Variants in XPO6 observed in about 807,000 individuals in gnomAD.
XPO6 encodes the protein exportin 6.
Under a neutral mutation model 130.0 loss-of-function variants are expected in XPO6, and 3 were observed. The ratio of observed to expected loss-of-function variants is 0.02; its 90% CI spans 0.01 to 0.06. XPO6 has a LOEUF of 0.06. Among genes scored for constraint, XPO6 ranks in the 10% least tolerant of loss-of-function variants. The probability of loss-of-function intolerance (pLI) is 1.00; values close to 1 mark genes in which losing one functional copy is unlikely to be tolerated. For synonymous variants in XPO6, 524 were observed against 548.9 expected, an observed-to-expected ratio of 0.95 and a Z score of 0.63; for missense variants, 970 against 1,393.0, an observed-to-expected ratio of 0.70 and a Z score of 4.83.
intron 21 of XPO6, among the ~76,000 whole-genome samples, chr16:28,103,269 T>C (rs1213621758): frequency 6.6e-6 from 1 of 152,154 alleles, no homozygotes. Context: ...CTAGCTTCTT[T>C]CACCTGACAG....
intron 4 of XPO6, among the ~76,000 whole-genome samples, chr16:28,171,657 GCT>G (rs1251341691): frequency 6.6e-6 from 1 of 152,062 alleles, no homozygotes; most frequent in East Asian, 1.9e-4. Context: ...TGTTTAAAAT[GCT>G]CTCTATAAAT....
rs762866348 is a variant in XPO6 at position 28,098,591 on chromosome 16, G to A, written c.3325C>T (p.Arg1109Cys). ...CTGTCGTTGCAGAGTCTGTAGTAGCGCAGGTCGTTGACCAGCCTGTGCACA... is the reference window on the plus strand; with the variant it reads ...CTGTCGTTGCAGAGTCTGTAGTAGCACAGGTCGTTGACCAGCCTGTGCACA... ...QNVHRLVNDL[R>C]YYRLCNDSLP... The change falls in exon 24 of 24, where the codon CGC (arginine) becomes TGC (cysteine). Residue 1109 changes from arginine to cysteine, a missense_variant. Physicochemically the swap from Arg to Cys is radical, Grantham distance 180. Transcript: ENST00000304658. 3.1e-6 allele frequency: 5 copies of A among 1,612,866 alleles called. No homozygotes were observed. The African/African-American group carries it at 5.3e-5, about 17-fold the overall frequency.
At chr16:28,129,351 C>T (rs1335489407) in intron 12 of XPO6, among the ~76,000 whole-genome samples, 2 of 152,206 alleles carry the variant, frequency 1.3e-5, no homozygotes, top group Non-Finnish European at 2.9e-5. Context: ...GCCAGTGTCC[C>T]ACTGTGAAAA....
intron 1 of XPO6, among the ~76,000 whole-genome samples, chr16:28,209,890 G>A (rs1006131154): frequency 6.6e-6 from 1 of 152,098 alleles, no homozygotes; most frequent in Non-Finnish European, 1.5e-5. Context: ...TGTAATCCCA[G>A]CACTTTGGGA....
At chr16:28,188,233 T>C (rs949950662) in intron 1 of XPO6, among the ~76,000 whole-genome samples, 13 of 152,222 alleles carry the variant, frequency 8.5e-5, no homozygotes, top group African/African-American at 3.1e-4. Flanking sequence ...TGGGCCAACA[T>C]GCCCAGCCAA....
intron 1 of XPO6, among the ~76,000 whole-genome samples, chr16:28,201,505 A>T (rs2043952088): frequency 6.6e-6 from 1 of 152,158 alleles, no homozygotes; most frequent in South Asian, 2.1e-4. Context: ...GTGGGGAAGG[A>T]GGCAAGAGAT....
At chr16:28,180,381 A>AT (rs566395135) in intron 2 of XPO6, among the ~76,000 whole-genome samples, 1 of 151,400 alleles carries the variant, frequency 6.6e-6, no homozygotes, top group South Asian at 2.1e-4. Context: ...AAACAAAAAA[A>AT]TTTTTTTTTG....
Position 28,169,711 on chromosome 16 carries a change from G to C in XPO6, c.565+39C>G, listed in dbSNP as rs778826946. On this transcript the variant is annotated intron_variant, in intron 5 of 23. Transcript: ENST00000304658. The stretch of plus-strand genomic sequence containing the variant: ...CAAGGCCTGAACTCTGGGTGCCTGC[G>C]GGCAGGCCTCTATCTCTGGGCACTA... The C allele has an allele frequency of 6.2e-6, 10 of 1,606,784 alleles. No individual in the cohort carries two copies. The South Asian group carries it at 6.6e-5, about 11-fold the overall frequency.
At chr16:28,131,236 T>G (rs959478037) in intron 12 of XPO6, among the ~76,000 whole-genome samples, 1 of 152,190 alleles carries the variant, frequency 6.6e-6, no homozygotes, top group African/African-American at 2.4e-5. Context: ...TGGGGCCCAC[T>G]AGATTATTTA....
intron 8 of XPO6, among the ~76,000 whole-genome samples, chr16:28,149,060 A>AT (rs1220129052): frequency 6.8e-6 from 1 of 146,300 alleles, no homozygotes; most frequent in African/African-American, 2.6e-5. Context: ...AAAGAAAATA[A>AT]AAAAAAAAAA....
At chr16:28,149,858 A>G (rs1169963863) in intron 8 of XPO6, among the ~76,000 whole-genome samples, 1 of 152,248 alleles carries the variant, frequency 6.6e-6, no homozygotes, top group African/African-American at 2.4e-5. Flanking sequence ...ATAACCCTCT[A>G]GACGAGAGAA....
intron 15 of XPO6, among the ~76,000 whole-genome samples, chr16:28,115,726 C>A (rs1178737875): frequency 6.6e-6 from 1 of 152,238 alleles, no homozygotes; most frequent in Non-Finnish European, 1.5e-5. Flanking sequence ...CTCTGGCTAT[C>A]CAAGTCCCAG....
At chr16:28,170,160 C>T (rs1355618067) in intron 4 of XPO6, among the ~76,000 whole-genome samples, 1 of 151,640 alleles carries the variant, frequency 6.6e-6, no homozygotes, top group Non-Finnish European at 1.5e-5. Context: ...TGGAGAAATC[C>T]CGTCTCTACT....
At chr16:28,190,722 G>GT (rs1555531118) in intron 1 of XPO6, among the ~76,000 whole-genome samples, 1 of 152,124 alleles carries the variant, frequency 6.6e-6, no homozygotes, top group Non-Finnish European at 1.5e-5. Flanking sequence ...ACCGAAGATG[G>GT]TAACTGTACC....
intron 20 of XPO6, 126 bp downstream of exon 20, chr16:28,105,917 A>C: frequency 7.1e-7 from 1 of 1,416,918 alleles, no homozygotes; most frequent in Non-Finnish European, 9.6e-7. Context: ...CCTTGGGAGA[A>C]ACTACTTTAC....
chr16:28,122,210 TA>T (rs1237557503), intron 13 of XPO6, among the ~76,000 whole-genome samples: 1 of 152,100 alleles, frequency 6.6e-6, no homozygotes, highest in Non-Finnish European at 1.5e-5. Flanking sequence ...CCACTTGTTT[TA>T]GGGGGAGGAT....
chr16:28,203,259 G>C (rs1483104728), intron 1 of XPO6, among the ~76,000 whole-genome samples: 1 of 149,440 alleles, frequency 6.7e-6, no homozygotes, highest in African/African-American at 2.5e-5. Flanking sequence ...CTGGGCGACG[G>C]AGTAAGACCC....
At chr16:28,099,054 T>C (rs1054197997) in intron 23 of XPO6, among the ~76,000 whole-genome samples, 7 of 152,148 alleles carry the variant, frequency 4.6e-5, no homozygotes, top group African/African-American at 1.7e-4. Flanking sequence ...AACGCAGACA[T>C]GGCTGTGGTG....
At chr16:28,098,889 C>T (rs974087431) in intron 23 of XPO6, among the ~76,000 whole-genome samples, 9 of 152,298 alleles carry the variant, frequency 5.9e-5, no homozygotes, top group Admixed American at 5.9e-4. Context: ...AACATACAGA[C>T]ATCAACTCAC....
Sources: allele counts gnomAD v4.1 joint callset (sites outside exome capture counted in the v4.1 genomes callset), GRCh38; gene constraint gnomAD v4.1.1; transcripts MANE v1.5; gene names NCBI Gene and HGNC (gene_info 2026-07-23, HGNC 2026-07-21).